Variants in SLC16A10 observed in about 807,000 individuals in gnomAD.
SLC16A10 encodes the protein solute carrier family 16 member 10, also known as monocarboxylate transporter 10.
A neutral mutation model predicts 40.0 loss-of-function variants in SLC16A10; 27 were observed. The ratio of observed to expected loss-of-function variants is 0.67; its 90% CI spans 0.50 to 0.93. SLC16A10 has a LOEUF of 0.93. SLC16A10 is among the 40% of genes least tolerant of loss of function. SLC16A10 has a pLI of 0.00. For missense variants in SLC16A10, 529 were observed against 658.2 expected (o/e 0.80, Z 2.15); for synonymous variants, 213 against 249.8 (o/e 0.85, Z 1.39).
rs1321985376 is a variant in SLC16A10, at chr6:111,222,435, A to C, written c.*200A>C. 6 of 531,518 alleles carry C rather than the reference A, an allele frequency of 1.1e-5. No homozygotes were observed. Among genetic ancestry groups the C allele is most frequent in the Non-Finnish European group, 1.7e-5 (6 of 347,166 alleles). 32.9% of individuals were successfully genotyped at this position (531,518 alleles called of 1,614,324 possible). ...CTGATGTTTCCATGAGTCTGAGGGC[A>C]GAGACTCTGGTATATGAAAACGTCT... On this transcript the variant is annotated 3_prime_UTR_variant, in exon 6 of 6. Coordinates refer to ENST00000368851, the MANE Select transcript of SLC16A10 (RefSeq NM_018593.5).
At chr6:111,132,022 G>A (rs1352147048) in intron 1 of SLC16A10, among the ~76,000 whole-genome samples, 1 of 152,170 alleles carries the variant, frequency 6.6e-6, no homozygotes, top group African/African-American at 2.4e-5. Flanking sequence ...AGGGATCTAA[G>A]GAAGCTCTAT....
intron 5 of SLC16A10, 27 bp downstream of exon 5, chr6:111,219,069 A>G (rs763698117): frequency 1.3e-6 from 2 of 1,574,198 alleles, no homozygotes; most frequent in Admixed American, 3.4e-5. Context: ...TCCAGTAGTT[A>G]TATTAATTCA....
At chr6:111,191,026 TTTA>T (rs1202485206) in intron 3 of SLC16A10, among the ~76,000 whole-genome samples, 7 of 152,344 alleles carry the variant, frequency 4.6e-5, no homozygotes, top group South Asian at 4.1e-4. Flanking sequence ...TTCTTCCTTT[TTTA>T]TTATTATACT....
chr6:111,135,633 G>A (rs185011722), intron 1 of SLC16A10, among the ~76,000 whole-genome samples: 9 of 152,222 alleles, frequency 5.9e-5, no homozygotes, highest in East Asian at 5.8e-4. Flanking sequence ...AAGATCCTTC[G>A]AACCCAACAT....
chr6:111,178,252 G>C, intron 3 of SLC16A10: 1 of 422,220 alleles, frequency 2.4e-6, no homozygotes, highest in Non-Finnish European at 4.7e-6. Flanking sequence ...ATCTACTTGT[G>C]GTACACTTCT....
At chr6:111,120,751 G>A (rs963930447) in intron 1 of SLC16A10, among the ~76,000 whole-genome samples, 1 of 152,100 alleles carries the variant, frequency 6.6e-6, no homozygotes, top group South Asian at 2.1e-4. Context: ...CATAGTGTTG[G>A]TTATTAATAT....
rs1233636745 is a variant in SLC16A10 at position 111,225,164 on chromosome 6, A to G, written c.*2929A>G. ...CCAGATTATTGATACTTTATGCAAG[A>G]TGTGTTCATCTCTTTGATCATATTT... On this transcript the variant is annotated 3_prime_UTR_variant, in exon 6 of 6. Transcript: ENST00000368851. 6.6e-6 allele frequency: 1 copy of G among 152,206 alleles called. No individual in the cohort carries two copies. The highest frequency in any genetic ancestry group is 1.5e-5 in the Non-Finnish European group (1 of 68,038). The allele number at this position is 152,206 out of a possible 1,614,324, so 9.4% of individuals were successfully genotyped here. A position where few individuals can be genotyped will look rare whatever the true frequency, so the allele number is the denominator to read the frequency against.
Position 111,223,957 on chromosome 6 carries a change from A to C in SLC16A10, c.*1722A>C, listed in dbSNP as rs1770947180. On this transcript the variant is annotated 3_prime_UTR_variant, in exon 6 of 6. Transcript: ENST00000368851. ...TCTACTAAAAATAAAAAAAAAAATT[A>C]GGCCAAGCATAGTGGCTCATGCCTG... 1 of 152,358 alleles carries C rather than the reference A, an allele frequency of 6.6e-6. No homozygotes were observed. Among genetic ancestry groups the C allele is most frequent in the South Asian group, 2.1e-4 (1 of 4,828 alleles). 9.4% of individuals were successfully genotyped at this position (152,358 alleles called of 1,614,324 possible). A position where few individuals can be genotyped will look rare whatever the true frequency, so the allele number is the denominator to read the frequency against.
rs1770886951 is a variant in SLC16A10, at chr6:111,087,530, A to G, written c.-223A>G. On this transcript the variant is annotated 5_prime_UTR_variant, in exon 1 of 6. Coordinates refer to ENST00000368851, the MANE Select transcript of SLC16A10 (RefSeq NM_018593.5). ...TCGGGGGTGCGGGGCTGTGACCTAG[A>G]GGCTTCAGTGTCGATCCCCGAGGTG... is the stretch of plus-strand genomic sequence containing the variant. 1.5e-5 allele frequency: 3 copies of G among 195,902 alleles called. No individual in the cohort carries two copies. The highest frequency in any genetic ancestry group is 3.1e-5 in the Non-Finnish European group (3 of 97,946). The allele number at this position is 195,902 out of a possible 1,614,324, so 12.1% of individuals were successfully genotyped here.
chr6:111,088,871 A>G (rs11758325), intron 1 of SLC16A10, among the ~76,000 whole-genome samples: 2 of 152,186 alleles, frequency 1.3e-5, no homozygotes, highest in Non-Finnish European at 2.9e-5. Context: ...TAGGCAAAAA[A>G]CAAATCTAAG....
chr6:111,160,664 A>G (rs1321273839), intron 1 of SLC16A10, among the ~76,000 whole-genome samples: 1 of 152,232 alleles, frequency 6.6e-6, no homozygotes, highest in Non-Finnish European at 1.5e-5. Context: ...GAAGGAGGAT[A>G]TGCTGACAAT....
intron 3 of SLC16A10, among the ~76,000 whole-genome samples, chr6:111,201,142 C>T (rs1562431521): frequency 6.6e-6 from 1 of 152,104 alleles, no homozygotes; most frequent in Non-Finnish European, 1.5e-5. Context: ...TAGCCATTGT[C>T]CACCCCTTTC....
chr6:111,177,436 G>A lies in SLC16A10; in HGVS notation c.713G>A (p.Cys238Tyr). ...CTCTTTTACACATTGAGGGTGCTCT[G>A]CATCTTCATGTTTGTTCTCTTTCTG... is the stretch of plus-strand genomic sequence containing the variant. ...VGLFYTLRVL[C>Y]IFMFVLFLAG... Residue 238 changes from cysteine to tyrosine, a missense_variant, in exon 3 of 6, where the codon TGC (cysteine) becomes TAC (tyrosine). Cys to Tyr is a radical substitution (Grantham distance 194). Coordinates refer to ENST00000368851, the MANE Select transcript of SLC16A10 (RefSeq NM_018593.5). The A allele has an allele frequency of 6.2e-7, 1 of 1,614,098 alleles. No individual in the cohort carries two copies.
At chr6:111,178,877 C>T (rs532395132) in intron 3 of SLC16A10, among the ~76,000 whole-genome samples, 1 of 152,278 alleles carries the variant, frequency 6.6e-6, no homozygotes, top group South Asian at 2.1e-4. Flanking sequence ...GAAAGTATAG[C>T]CGAACCAACT....
chr6:111,193,365 G>A, intron 3 of SLC16A10: 3 of 977,026 alleles, frequency 3.1e-6, no homozygotes, highest in Non-Finnish European at 3.6e-6. Flanking sequence ...TGTGCCTTAG[G>A]CAGTATTCAC....
intron 4 of SLC16A10, among the ~76,000 whole-genome samples, chr6:111,210,715 GC>G (rs1319069660): frequency 6.6e-6 from 1 of 152,164 alleles, no homozygotes; most frequent in African/African-American, 2.4e-5. Flanking sequence ...AGCCTTGAAA[GC>G]CAGGATGAAG....
rs537343340 is a variant in SLC16A10 at position 111,228,857 on chromosome 6, C to A, written c.*6622C>A. 1 of 151,916 alleles carries A rather than the reference C, an allele frequency of 6.6e-6. No homozygotes were observed. Among genetic ancestry groups the A allele is most frequent in the African/African-American group, 2.4e-5 (1 of 41,438 alleles). 9.4% of individuals were successfully genotyped at this position (151,916 alleles called of 1,614,324 possible). ...CCAGCCTGACCAACATGGAGAAACC[C>A]CATCTCTACCAAAAATACAAAATTA... is the stretch of plus-strand genomic sequence containing the variant. On this transcript the variant is annotated 3_prime_UTR_variant, in exon 6 of 6. Transcript: ENST00000368851.
At chr6:111,201,411 C>T (rs1309708903) in intron 3 of SLC16A10, among the ~76,000 whole-genome samples, 1 of 152,130 alleles carries the variant, frequency 6.6e-6, no homozygotes, top group Non-Finnish European at 1.5e-5. Context: ...CTTTCCTGGC[C>T]TCTGTATACG....
intron 2 of SLC16A10, among the ~76,000 whole-genome samples, chr6:111,175,979 G>A (rs1307355070): frequency 6.6e-6 from 1 of 152,080 alleles, no homozygotes; most frequent in Non-Finnish European, 1.5e-5. Context: ...ACAGGTGTGA[G>A]CCACCACGTC....
Sources: gnomAD v4.1 joint callset for allele counts (sites outside exome capture counted in the v4.1 genomes callset) on GRCh38, gnomAD v4.1.1 for gene constraint, MANE v1.5 for transcripts, NCBI Gene and HGNC (gene_info 2026-07-23, HGNC 2026-07-21) for gene names.